SLC39A12: variants seen among roughly 807,000 people sequenced by gnomAD.
SLC39A12 encodes solute carrier family 39 member 12.
In SLC39A12, 63 loss-of-function variants were observed where a neutral mutation model predicts 71.1. That is an observed-to-expected ratio of 0.89 (90% CI 0.72 to 1.09). SLC39A12 has a LOEUF of 1.09. Ranked by LOEUF, SLC39A12 falls within the 50% of genes least tolerant of loss-of-function variation. The pLI is 0.00. For synonymous variants in SLC39A12, 351 were observed against 301.3 expected, an observed-to-expected ratio of 1.16 and a Z score of -1.71; for missense variants, 892 against 812.6, an observed-to-expected ratio of 1.10 and a Z score of -1.19.
At chr10:18,037,436 T>C (rs765364148) in intron 12 of SLC39A12, among the ~76,000 whole-genome samples, 7 of 152,218 alleles carry the variant, frequency 4.6e-5, no homozygotes, top group Non-Finnish European at 8.8e-5. Flanking sequence ...TCTTTGCAGT[T>C]CTTTGTATGT....
chr10:17,987,619 T>C lies in SLC39A12; in HGVS notation c.1237T>C (p.Ser413Pro), dbSNP rs765269131. 1.2e-6 allele frequency: 2 copies of C among 1,614,166 alleles called. No homozygotes were observed. The highest frequency in any genetic ancestry group is 2.2e-5 in the South Asian group (2 of 91,082). The change falls in exon 7 of 13, where the codon TCT (serine) becomes CCT (proline). Residue 413 changes from serine (S) to proline (P), a missense_variant. Coordinates refer to ENST00000377369, the MANE Select transcript of SLC39A12 (RefSeq NM_001145195.2). ...TGTGGGCTTGGCCGTCGGGACACTG[T>C]CTGGGGACGCTCTGCTCCACCTTAT... ...LFVGLAVGTL[S>P]GDALLHLIPQ...
chr10:18,042,034 C>G (rs998731295), intron 12 of SLC39A12, among the ~76,000 whole-genome samples: 1 of 151,772 alleles, frequency 6.6e-6, no homozygotes, highest in Admixed American at 6.6e-5. Flanking sequence ...GTATATATGC[C>G]TTACATCAAC....
chr10:18,035,019 T>C (rs1310902929), intron 12 of SLC39A12, among the ~76,000 whole-genome samples: 1 of 149,806 alleles, frequency 6.7e-6, no homozygotes, highest in Non-Finnish European at 1.5e-5. Flanking sequence ...AGAGATCCGC[T>C]GTTAGTCTGA....
intron 4 of SLC39A12, among the ~76,000 whole-genome samples, chr10:17,974,477 C>T (rs1368166939): frequency 6.6e-6 from 1 of 152,170 alleles, no homozygotes; most frequent in Non-Finnish European, 1.5e-5. Flanking sequence ...GGATACAGAT[C>T]TGCTATATCT....
intron 2 of SLC39A12, among the ~76,000 whole-genome samples, chr10:17,954,070 C>A (rs1274008670): frequency 6.6e-6 from 1 of 152,038 alleles, no homozygotes; most frequent in Non-Finnish European, 1.5e-5. Context: ...GAGCTGAAGT[C>A]GCACCCATGG....
chr10:17,975,985 C>T (rs1233499812), intron 4 of SLC39A12, among the ~76,000 whole-genome samples: 1 of 152,126 alleles, frequency 6.6e-6, no homozygotes, highest in Non-Finnish European at 1.5e-5. Flanking sequence ...AATTGCCATG[C>T]CCCCCTACTG....
intron 5 of SLC39A12, among the ~76,000 whole-genome samples, chr10:17,980,616 T>C (rs1318739553): frequency 2.0e-5 from 3 of 152,208 alleles, no homozygotes; most frequent in Admixed American, 2.0e-4. Context: ...ATTTGTTCTT[T>C]CCTTATTCTT....
intron 7 of SLC39A12, among the ~76,000 whole-genome samples, chr10:17,989,144 C>T (rs528682980): frequency 9.2e-5 from 14 of 152,288 alleles, no homozygotes; most frequent in African/African-American, 3.4e-4. Flanking sequence ...GTTCTCTTCC[C>T]TCTGAAATCT....
At chr10:17,976,780 T>C (rs1835121223) in intron 4 of SLC39A12, among the ~76,000 whole-genome samples, 1 of 152,176 alleles carries the variant, frequency 6.6e-6, no homozygotes, top group African/African-American at 2.4e-5. Context: ...TGGGTGTGAA[T>C]CTTTTTGTAT....
chr10:17,965,416 C>T, intron 3 of SLC39A12, 67 bp from the exon 4 acceptor site: 2 of 1,454,296 alleles, frequency 1.4e-6, no homozygotes, highest in Non-Finnish European at 1.9e-6. Context: ...GGGGAAATTT[C>T]AGAGATGTTA....
chr10:17,973,890 G>A (rs1037856442), intron 4 of SLC39A12, among the ~76,000 whole-genome samples: 10 of 136,492 alleles, frequency 7.3e-5, no homozygotes, highest in African/African-American at 1.6e-4. Flanking sequence ...TTCAGTAGTC[G>A]TGCTTTATTT....
At chr10:18,040,251 G>A (rs1159407304) in intron 12 of SLC39A12, among the ~76,000 whole-genome samples, 1 of 152,078 alleles carries the variant, frequency 6.6e-6, no homozygotes, top group Non-Finnish European at 1.5e-5. Context: ...AGTATAACAT[G>A]TTTAAACCTG....
At position 17,953,521 on chromosome 10, in the gene SLC39A12, A is replaced by G. The variant is rs782732984; in HGVS notation, c.245A>G (p.Gln82Arg). ...TGCCCACGGAGGAGAAACGGAATGC[A>G]AGGAGATTGCAATCTGGTTAGTGAA... is the stretch of plus-strand genomic sequence containing the variant. ...TGCPRRRNGM[Q>R]GDCNLCFEPD... The change falls in exon 2 of 13, where the codon CAA (glutamine) becomes CGA (arginine). Residue 82 changes from glutamine to arginine, a missense_variant. Transcript: ENST00000377369. 6.8e-6 allele frequency: 11 copies of G among 1,614,032 alleles called. No homozygotes were observed. Among genetic ancestry groups the G allele is most frequent in the East Asian group, 6.7e-5 (3 of 44,898 alleles).
intron 8 of SLC39A12, 132 bp from the exon 9 acceptor site, chr10:17,993,049 A>G (rs559559831): frequency 1.8e-6 from 1 of 555,174 alleles, no homozygotes; most frequent in Admixed American, 3.6e-5. Flanking sequence ...TTCCATTCTT[A>G]AAGCATCCCA....
In SLC39A12 at chr10:17,969,827, G is replaced by A. The variant is rs117885274; in HGVS notation, c.751+4137G>A. Among the ~76,000 whole-genome samples, 680 of 152,180 alleles carry A rather than the reference G, an allele frequency of 4.5e-3. 2 individuals carry two copies. Among genetic ancestry groups the A allele is most frequent in the East Asian group, 9.8e-3 (51 of 5,186 alleles). On this transcript the variant is annotated intron_variant, in intron 4 of 12. Transcript: ENST00000377369. ...GTCCACTTTTAGTTTGATTGCCTACGCCTGTGGAGTATTACTCAGGAAATT... is the reference window on the plus strand; with the variant it reads ...GTCCACTTTTAGTTTGATTGCCTACACCTGTGGAGTATTACTCAGGAAATT...
rs188203056 is a variant in SLC39A12 at position 18,041,816 on chromosome 10, C to T, written c.1948-889C>T. Among the ~76,000 whole-genome samples the T allele has an allele frequency of 7.8e-4, 101 of 130,256 alleles. 1 individual carries two copies. Among genetic ancestry groups the T allele is most frequent in the African/African-American group, 2.4e-3 (87 of 36,208 alleles). 85.5% of individuals were successfully genotyped at this position (130,256 alleles called of 152,430 possible). Reference sequence around the variant, plus strand: ...GTCTATATGTATATACATATGTATACGTATATGTATGTACATACATATGTA... The same window carrying T: ...GTCTATATGTATATACATATGTATATGTATATGTATGTACATACATATGTA... On this transcript the variant is annotated intron_variant, in intron 12 of 12. Transcript: ENST00000377369.
chr10:18,007,771 G>C (rs1328349512), intron 12 of SLC39A12, among the ~76,000 whole-genome samples: 3 of 152,148 alleles, frequency 2.0e-5, no homozygotes, highest in Non-Finnish European at 4.4e-5. Context: ...GATGACCAGA[G>C]GTCACTCTCA....
At chr10:17,991,831 G>A (rs895304449) in intron 8 of SLC39A12, among the ~76,000 whole-genome samples, 3 of 152,126 alleles carry the variant, frequency 2.0e-5, no homozygotes, top group Non-Finnish European at 4.4e-5. Flanking sequence ...GCTCATGCCT[G>A]TAATTTCAGC....
intron 10 of SLC39A12, among the ~76,000 whole-genome samples, chr10:17,999,503 C>T (rs915716946): frequency 6.6e-6 from 1 of 152,072 alleles, no homozygotes. Flanking sequence ...ATATACTTTT[C>T]ATGTTTGTGA....
Sources: gnomAD v4.1 joint callset for allele counts (sites outside exome capture counted in the v4.1 genomes callset) on GRCh38, gnomAD v4.1.1 for gene constraint, MANE v1.5 for transcripts, NCBI Gene and HGNC (gene_info 2026-07-23, HGNC 2026-07-21) for gene names.